SNTG2: variants seen among roughly 807,000 people sequenced by gnomAD.
SNTG2 encodes the protein gamma-2-syntrophin.
A neutral mutation model predicts 70.9 loss-of-function variants in SNTG2; 74 were observed. That is an observed-to-expected ratio of 1.04 (90% confidence interval 0.86 to 1.27). SNTG2 has a LOEUF of 1.27. Ranked by LOEUF, SNTG2 falls within the 50% of genes most tolerant of loss-of-function variation. The pLI is 0.00. For synonymous variants in SNTG2, 278 were observed against 273.8 expected (o/e 1.02, Z -0.15); for missense variants, 717 against 690.7 (o/e 1.04, Z -0.43).
At chr2:1,194,797 A>G (rs1672804909) in intron 8 of SNTG2, among the ~76,000 whole-genome samples, 1 of 152,124 alleles carries the variant, frequency 6.6e-6, no homozygotes, top group African/African-American at 2.4e-5. Context: ...TTACATAGGT[A>G]TACACGTGCC....
rs191692583 is a variant in SNTG2, at chr2:1,113,582, G to A, written c.325+15172G>A. ...AGGAGGATCGTGTGTACTAAGTGAGGTTTAACCCTTACAGTACTTTGAGGA... is the reference window on the plus strand; with the variant it reads ...AGGAGGATCGTGTGTACTAAGTGAGATTTAACCCTTACAGTACTTTGAGGA... On this transcript the variant is annotated intron_variant, in intron 4 of 16. Transcript: ENST00000308624. Among the ~76,000 whole-genome samples, 5 of 151,760 alleles carry A rather than the reference G, an allele frequency of 3.3e-5. No homozygotes were observed. In the East Asian group the frequency reaches 9.8e-4, roughly 30 times the overall value.
At chr2:985,984 C>G (rs1041647276) in intron 1 of SNTG2, among the ~76,000 whole-genome samples, 14 of 151,418 alleles carry the variant, frequency 9.2e-5, no homozygotes, top group South Asian at 6.3e-4. Context: ...AAGCAAAGCT[C>G]AGAAAGGAAG....
intron 8 of SNTG2, among the ~76,000 whole-genome samples, chr2:1,179,228 A>G (rs1671695947): frequency 6.6e-6 from 1 of 152,004 alleles, no homozygotes; most frequent in Admixed American, 6.6e-5. Flanking sequence ...CGGTCTATCA[A>G]TTTTGTTGAT....
At chr2:1,052,687 TC>T (rs974124100) in intron 1 of SNTG2, among the ~76,000 whole-genome samples, 17 of 152,310 alleles carry the variant, frequency 1.1e-4, no homozygotes, top group Non-Finnish European at 1.6e-4. Flanking sequence ...GGCCATGTCG[TC>T]CTTTATAGAC....
chr2:1,010,462 C>G (rs1474252586), intron 1 of SNTG2, among the ~76,000 whole-genome samples: 2 of 152,108 alleles, frequency 1.3e-5, no homozygotes, highest in Non-Finnish European at 2.9e-5. Context: ...TGAATCTGTC[C>G]CTCTGGTCAA....
chr2:1,093,842 C>G (rs1279825200), intron 2 of SNTG2, among the ~76,000 whole-genome samples: 2 of 152,182 alleles, frequency 1.3e-5, no homozygotes, highest in East Asian at 1.9e-4. Flanking sequence ...CCCTTCTCAC[C>G]GTTCTGGGAG....
intron 1 of SNTG2, among the ~76,000 whole-genome samples, chr2:1,048,832 A>G (rs1047812650): frequency 2.2e-4 from 34 of 152,066 alleles, no homozygotes; most frequent in African/African-American, 7.2e-4. Flanking sequence ...GTAAACCTTG[A>G]TATTCATTCA....
chr2:1,049,255 C>G (rs768858472), intron 1 of SNTG2, among the ~76,000 whole-genome samples: 35 of 152,104 alleles, frequency 2.3e-4, no homozygotes, highest in Admixed American at 1.1e-3. Flanking sequence ...GGTAGGTATC[C>G]ACCATTATAG....
intron 8 of SNTG2, among the ~76,000 whole-genome samples, chr2:1,208,559 C>T (rs1471359660): frequency 2.0e-5 from 3 of 152,226 alleles, no homozygotes; most frequent in East Asian, 3.9e-4. Flanking sequence ...ATGGCTCCTT[C>T]ACCTTCCCAG....
chr2:1,309,623 C>T (rs1572959447), intron 15 of SNTG2, among the ~76,000 whole-genome samples: 1 of 152,244 alleles, frequency 6.6e-6, no homozygotes, highest in South Asian at 2.1e-4. Flanking sequence ...GCCTACTGGG[C>T]AATAGTGTGG....
At chr2:1,292,209 AT>A (rs34406949) in intron 14 of SNTG2, among the ~76,000 whole-genome samples, 74,468 of 151,792 alleles carry the variant, frequency 0.49, 18,367 homozygotes, top group East Asian at 0.64. Flanking sequence ...TTTGTGCAGG[AT>A]TTGCTTAATT....
At chr2:1,208,296 A>G (rs553650249) in intron 8 of SNTG2, among the ~76,000 whole-genome samples, 4 of 75,670 alleles carry the variant, frequency 5.3e-5, no homozygotes, top group African/African-American at 1.9e-4. Flanking sequence ...TGTGAGTGTG[A>G]GGCACATCTG....
intron 2 of SNTG2, among the ~76,000 whole-genome samples, chr2:1,091,102 G>A (rs368958797): frequency 4.7e-4 from 71 of 152,232 alleles, no homozygotes; most frequent in African/African-American, 1.6e-3. Flanking sequence ...TGTGAAGAGC[G>A]AAGTTGAAGG....
chr2:1,228,390 A>C (rs1400031924), intron 9 of SNTG2, among the ~76,000 whole-genome samples: 2 of 152,208 alleles, frequency 1.3e-5, no homozygotes, highest in Non-Finnish European at 2.9e-5. Flanking sequence ...TCTCTCACCC[A>C]GGCCCCGTTC....
intron 2 of SNTG2, among the ~76,000 whole-genome samples, chr2:1,092,062 C>G (rs558733987): frequency 3.6e-4 from 55 of 152,318 alleles, no homozygotes; most frequent in Non-Finnish European, 7.2e-4. Context: ...AGAAACAATG[C>G]CTCCTGACTC....
At chr2:1,145,982 A>T (rs1669075575) in intron 6 of SNTG2, among the ~76,000 whole-genome samples, 1 of 152,212 alleles carries the variant, frequency 6.6e-6, no homozygotes, top group African/African-American at 2.4e-5. Flanking sequence ...CAGGAAAAGC[A>T]TTCCACAAAA....
chr2:1,230,938 G>A (rs111668853), intron 9 of SNTG2, among the ~76,000 whole-genome samples: 3 of 151,740 alleles, frequency 2.0e-5, no homozygotes, highest in Non-Finnish European at 2.9e-5. Context: ...GATCCGAAAC[G>A]TAAGTTACTT....
chr2:1,334,883 T>C (rs755864597), intron 16 of SNTG2, among the ~76,000 whole-genome samples: 10 of 152,122 alleles, frequency 6.6e-5, no homozygotes, highest in Non-Finnish European at 1.2e-4. Context: ...CAGAAATCAC[T>C]GCTAAACAAC....
At chr2:1,147,678 G>A (rs1669189674) in intron 6 of SNTG2, among the ~76,000 whole-genome samples, 1 of 152,178 alleles carries the variant, frequency 6.6e-6, no homozygotes, top group Admixed American at 6.5e-5. Context: ...CAAGTATGGG[G>A]GGTAAGAGTC....
Sources: allele counts gnomAD v4.1 joint callset (sites outside exome capture counted in the v4.1 genomes callset), GRCh38; gene constraint gnomAD v4.1.1; transcripts MANE v1.5; gene names NCBI Gene and HGNC (gene_info 2026-07-23, HGNC 2026-07-21).